The following PEDS1 variants were observed in gnomAD, a reference collection of about 807,000 sequenced individuals.
PEDS1 encodes the protein plasmanylethanolamine desaturase 1.
PEDS1 carries 14 observed loss-of-function variants against 35.2 expected under a neutral mutation model. The ratio of observed to expected loss-of-function variants is 0.40; its 90% confidence interval spans 0.26 to 0.62. PEDS1 has a LOEUF of 0.62. Among genes scored for constraint, PEDS1 ranks in the 20% least tolerant of loss-of-function variants. PEDS1 has a pLI of 0.44. For missense variants in PEDS1, 260 were observed against 367.8 expected (o/e 0.71, Z 2.40); for synonymous variants, 152 against 152.0 (o/e 1.00, Z 0.00).
chr20:50,132,644 T>C (rs1470204959), intron 2 of PEDS1, among the ~76,000 whole-genome samples: 1 of 152,206 alleles, frequency 6.6e-6, no homozygotes, highest in Non-Finnish European at 1.5e-5. Context: ...ACTGCTCTTG[T>C]GCTGGTTTAT....
intron 5 of PEDS1, among the ~76,000 whole-genome samples, chr20:50,125,589 T>A (rs893688665): frequency 7.3e-6 from 1 of 137,078 alleles, no homozygotes; most frequent in Non-Finnish European, 1.6e-5. Flanking sequence ...TCTATCTATC[T>A]ATCATTTATC....
intron 1 of PEDS1, among the ~76,000 whole-genome samples, chr20:50,152,955 C>T (rs149084981): frequency 1.5e-3 from 222 of 152,176 alleles, no homozygotes; most frequent in African/African-American, 5.1e-3. Context: ...CTGGAAGCCC[C>T]TGAGTTAGGG....
chr20:50,150,630 C>T (rs1277974513), intron 1 of PEDS1, among the ~76,000 whole-genome samples: 1 of 152,184 alleles, frequency 6.6e-6, no homozygotes, highest in African/African-American at 2.4e-5. Flanking sequence ...CCACTGGGCA[C>T]GTGAGACAGT....
At chr20:50,145,954 A>C (rs1343629311) in intron 1 of PEDS1, among the ~76,000 whole-genome samples, 1 of 152,158 alleles carries the variant, frequency 6.6e-6, no homozygotes, top group African/African-American at 2.4e-5. Flanking sequence ...CAGAGACCAG[A>C]ATTCCATGGC....
At chr20:50,137,340 C>T (rs1035350973) in intron 2 of PEDS1, among the ~76,000 whole-genome samples, 2 of 152,102 alleles carry the variant, frequency 1.3e-5, no homozygotes, top group African/African-American at 2.4e-5. Context: ...CGCACCCAGC[C>T]GAGGGTAACT....
chr20:50,150,496 G>A (rs1277710689), intron 1 of PEDS1, among the ~76,000 whole-genome samples: 2 of 151,954 alleles, frequency 1.3e-5, no homozygotes, highest in African/African-American at 4.8e-5. Context: ...CCTCCCTTCA[G>A]GCCTCACTTC....
At chr20:50,140,154 A>G (rs777996276) in intron 2 of PEDS1, among the ~76,000 whole-genome samples, 25 of 152,144 alleles carry the variant, frequency 1.6e-4, no homozygotes, top group Non-Finnish European at 3.1e-4. Context: ...TCCACAGCCA[A>G]CCTGGAAGCA....
intron 2 of PEDS1, among the ~76,000 whole-genome samples, chr20:50,134,531 G>C (rs994341631): frequency 6.6e-6 from 1 of 152,174 alleles, no homozygotes; most frequent in East Asian, 1.9e-4. Flanking sequence ...TAGGCAACAA[G>C]AGCAAAACTC....
intron 2 of PEDS1, among the ~76,000 whole-genome samples, chr20:50,137,581 C>A (rs956763618): frequency 6.6e-6 from 1 of 152,094 alleles, no homozygotes; most frequent in South Asian, 2.1e-4. Context: ...TCCTCAAAAC[C>A]GTCAAGGTCA....
At chr20:50,150,348 C>T (rs909366648) in intron 1 of PEDS1, among the ~76,000 whole-genome samples, 6 of 152,182 alleles carry the variant, frequency 3.9e-5, no homozygotes, top group Admixed American at 1.3e-4. Flanking sequence ...TCTACTCTTC[C>T]CTCCAGCCTA....
At position 50,153,603 on chromosome 20, in the gene PEDS1, A is replaced by G; in HGVS notation, c.35T>C (p.Leu12Pro). ...AGACGCCTCGTCCTCGTCCAGCTCC[A>G]GCTGCTGGCCCGGCCAGTTCTCGGC... ...AGAENWPGQQ[L>P]ELDEDEASCC... The change falls in exon 1 of 6, where the codon CTG (leucine) becomes CCG (proline). Residue 12 changes from leucine (L) to proline (P), a missense_variant. Physicochemically the swap from Leu to Pro is moderately conservative, Grantham distance 98 (BLOSUM62 -3). This residue lies in a region of PEDS1 where 114 missense variants were observed against 121.6 expected (regional missense o/e 0.94). Coordinates refer to ENST00000371652, the MANE Select transcript of PEDS1 (RefSeq NM_199129.4). 1.4e-6 allele frequency: 2 copies of G among 1,406,566 alleles called. No homozygotes were observed. The highest frequency in any genetic ancestry group is 1.9e-6 in the Non-Finnish European group (2 of 1,072,546). 87.1% of individuals were successfully genotyped at this position (1,406,566 alleles called of 1,614,324 possible). A position where few individuals can be genotyped will look rare whatever the true frequency, so the allele number is the denominator to read the frequency against.
intron 5 of PEDS1, among the ~76,000 whole-genome samples, chr20:50,125,541 C>T (rs911658940): frequency 7.1e-6 from 1 of 140,746 alleles, no homozygotes; most frequent in East Asian, 2.1e-4. Flanking sequence ...CTCACATTAC[C>T]CTTTATCTAT....
intron 1 of PEDS1, among the ~76,000 whole-genome samples, chr20:50,152,431 A>G (rs965542336): frequency 1.3e-5 from 2 of 152,226 alleles, no homozygotes; most frequent in Non-Finnish European, 2.9e-5. Flanking sequence ...ACACCCAGGT[A>G]GAGGTGCCTC....
At chr20:50,148,085 G>A (rs74383202) in intron 1 of PEDS1, among the ~76,000 whole-genome samples, 4,011 of 152,264 alleles carry the variant, frequency 0.026, 74 homozygotes, top group Non-Finnish European at 0.035. Flanking sequence ...GCAAGACTCC[G>A]TCTCCAGGGG....
chr20:50,125,780 A>G (rs1029462666), intron 5 of PEDS1, among the ~76,000 whole-genome samples: 2 of 152,110 alleles, frequency 1.3e-5, no homozygotes, highest in African/African-American at 4.8e-5. Flanking sequence ...TTTAGTAGAG[A>G]CTAGGTTTCA....
chr20:50,126,938 G>C (rs780182625), intron 5 of PEDS1, among the ~76,000 whole-genome samples: 26 of 152,014 alleles, frequency 1.7e-4, no homozygotes, highest in Non-Finnish European at 3.8e-4. Context: ...CTCTTCAGTT[G>C]CTCTGCCCCC....
At chr20:50,138,651 C>T (rs1463043683) in intron 2 of PEDS1, among the ~76,000 whole-genome samples, 17 of 152,206 alleles carry the variant, frequency 1.1e-4, no homozygotes, top group Admixed American at 8.5e-4. Flanking sequence ...CCCCTGGCTC[C>T]GTGATCTTGC....
At chr20:50,135,878 ATGCAGTCG>A (rs1439943451) in intron 2 of PEDS1, among the ~76,000 whole-genome samples, 2 of 152,156 alleles carry the variant, frequency 1.3e-5, no homozygotes, top group African/African-American at 4.8e-5. Flanking sequence ...AGCGTGGGCC[ATGCAGTCG>A]TGCGGATCAG....
At chr20:50,149,631 G>A (rs897530860) in intron 1 of PEDS1, among the ~76,000 whole-genome samples, 3 of 152,098 alleles carry the variant, frequency 2.0e-5, no homozygotes, top group Non-Finnish European at 4.4e-5. Context: ...GGCTGTGGCC[G>A]CCTCCCTGCT....
Sources: gnomAD v4.1 joint callset for allele counts (sites outside exome capture counted in the v4.1 genomes callset) on GRCh38, gnomAD v4.1.1 for gene constraint, gnomAD v4.1.1 regional missense constraint, MANE v1.5 for transcripts, NCBI Gene and HGNC (gene_info 2026-07-23, HGNC 2026-07-21) for gene names.